The following STRADA variants were observed in gnomAD, a reference collection of about 807,000 sequenced individuals.
STRADA encodes the protein STE20 related adaptor alpha, also known as STE20-related kinase adapter protein alpha.
A neutral mutation model predicts 55.0 loss-of-function variants in STRADA; 26 were observed. That is an observed-to-expected ratio of 0.47 (90% CI 0.35 to 0.66). The LOEUF (loss-of-function observed/expected upper bound fraction) is 0.66, where lower values mean the gene tolerates loss of function less well. Among genes scored for constraint, STRADA ranks in the 30% least tolerant of loss-of-function variants. The pLI is 0.01. For synonymous variants in STRADA, 197 were observed against 210.9 expected, an observed-to-expected ratio of 0.93 and a Z score of 0.57; for missense variants, 443 against 549.7, an observed-to-expected ratio of 0.81 and a Z score of 1.94.
chr17:63,736,475 A>G (rs2038432089), intron 1 of STRADA, among the ~76,000 whole-genome samples: 1 of 151,846 alleles, frequency 6.6e-6, no homozygotes. Context: ...TAAAAATACA[A>G]TAATTAGCCA....
At chr17:63,704,729 G>A in intron 10 of STRADA, 147 bp from the exon 11 acceptor site, 1 of 1,518,530 alleles carries the variant, frequency 6.6e-7, no homozygotes, top group Non-Finnish European at 8.8e-7. Flanking sequence ...AGTGGAGTAA[G>A]TCCAATTTTC....
chr17:63,736,252 A>G (rs2038415219), intron 1 of STRADA, among the ~76,000 whole-genome samples: 1 of 152,038 alleles, frequency 6.6e-6, no homozygotes, highest in South Asian at 2.1e-4. Flanking sequence ...CACGGTTTTT[A>G]ATGAAATTAT....
intron 1 of STRADA, among the ~76,000 whole-genome samples, chr17:63,728,696 C>G (rs926959801): frequency 7.1e-6 from 1 of 140,944 alleles, no homozygotes; most frequent in Non-Finnish European, 1.5e-5. Flanking sequence ...GTCAGGAGTT[C>G]GAGACCAGCC....
At chr17:63,705,015 T>C in intron 10 of STRADA, 2 of 1,119,878 alleles carry the variant, frequency 1.8e-6, no homozygotes, top group Non-Finnish European at 2.6e-6. Flanking sequence ...TGCCACAGCC[T>C]GGGCTGTCGC....
intron 3 of STRADA, chr17:63,725,888 T>A (rs1298223293): frequency 6.6e-6 from 1 of 151,128 alleles, no homozygotes; most frequent in Admixed American, 6.6e-5. Flanking sequence ...GCCAAGATGG[T>A]CTCGATCTCC....
chr17:63,720,038 T>C (rs2037183330), intron 4 of STRADA, among the ~76,000 whole-genome samples: 1 of 152,010 alleles, frequency 6.6e-6, no homozygotes, highest in Admixed American at 6.6e-5. Context: ...TTTTTTTTTT[T>C]TGAGACAGGG....
At chr17:63,711,216 G>T (rs145936883) in intron 6 of STRADA, among the ~76,000 whole-genome samples, 1 of 152,306 alleles carries the variant, frequency 6.6e-6, no homozygotes, top group East Asian at 1.9e-4. Flanking sequence ...GTTGTTATTT[G>T]TAGAGACAAG....
intron 1 of STRADA, among the ~76,000 whole-genome samples, chr17:63,736,635 A>T (rs2038445569): frequency 6.6e-6 from 1 of 151,666 alleles, no homozygotes. Context: ...CCCAAGAAAA[A>T]AAAAATAATA....
intron 3 of STRADA, among the ~76,000 whole-genome samples, chr17:63,724,124 CTTCTTT>C (rs759168634): frequency 6.6e-6 from 1 of 151,972 alleles, no homozygotes; most frequent in Non-Finnish European, 1.5e-5. Flanking sequence ...AAAATGCTTT[CTTCTTT>C]TTAATTTTTT....
At chr17:63,704,082 C>T (rs936435338) in intron 11 of STRADA, 35 bp from the exon 12 acceptor site, 15 of 1,605,858 alleles carry the variant, frequency 9.3e-6, no homozygotes, top group Non-Finnish European at 1.2e-5. Flanking sequence ...CGCAGCATCA[C>T]TGCCGTGTCC....
At chr17:63,738,716 GGT>G (rs1220382633) in intron 1 of STRADA, among the ~76,000 whole-genome samples, 5 of 152,096 alleles carry the variant, frequency 3.3e-5, no homozygotes, top group African/African-American at 1.2e-4. Flanking sequence ...AAATTAGCAG[GGT>G]GTGATGGCAT....
intron 11 of STRADA, 60 bp downstream of exon 11, chr17:63,704,281 C>A (rs1195352785): frequency 6.3e-7 from 1 of 1,599,156 alleles, no homozygotes; most frequent in Non-Finnish European, 8.5e-7. Flanking sequence ...CACACCCTGG[C>A]CTTACCCTCC....
intron 4 of STRADA, among the ~76,000 whole-genome samples, chr17:63,716,911 C>A (rs568700021): frequency 6.6e-6 from 1 of 152,290 alleles, no homozygotes; most frequent in East Asian, 1.9e-4. Context: ...GCTTATGGGC[C>A]ACATAGAGGC....
intron 1 of STRADA, among the ~76,000 whole-genome samples, chr17:63,740,364 T>C (rs2038852735): frequency 6.6e-6 from 1 of 151,020 alleles, no homozygotes. Flanking sequence ...ATACAAAAAT[T>C]AACCAGGTGT....
At chr17:63,704,873 A>G in intron 10 of STRADA, 1 of 1,536,094 alleles carries the variant, frequency 6.5e-7, no homozygotes, top group Non-Finnish European at 8.7e-7. Context: ...CTCCCTTTCC[A>G]AGGCATCAAA....
chr17:63,728,100 T>C (rs1322900344), intron 2 of STRADA: 1 of 476,308 alleles, frequency 2.1e-6, no homozygotes, highest in Non-Finnish European at 3.7e-6. Context: ...TAAGCCACTT[T>C]CTTCTTATTT....
At chr17:63,718,097 A>AT (rs2037025926) in intron 4 of STRADA, among the ~76,000 whole-genome samples, 1 of 151,892 alleles carries the variant, frequency 6.6e-6, no homozygotes. Flanking sequence ...TAATTTTTGT[A>AT]TTTTTTGTAG....
intron 1 of STRADA, among the ~76,000 whole-genome samples, chr17:63,732,120 G>C (rs1041803490): frequency 6.6e-6 from 1 of 151,890 alleles, no homozygotes; most frequent in Non-Finnish European, 1.5e-5. Flanking sequence ...CACCCGCCTC[G>C]GCCTCCCAAA....
At chr17:63,736,295 T>C (rs2038417135) in intron 1 of STRADA, among the ~76,000 whole-genome samples, 1 of 151,920 alleles carries the variant, frequency 6.6e-6, no homozygotes, top group Admixed American at 6.6e-5. Flanking sequence ...TCCAGTAAAA[T>C]GAGGCTAAAA....
Sources: allele counts gnomAD v4.1 joint callset (sites outside exome capture counted in the v4.1 genomes callset), GRCh38; gene constraint gnomAD v4.1.1; transcripts MANE v1.5; gene names NCBI Gene and HGNC (gene_info 2026-07-23, HGNC 2026-07-21).